Variants in SH3RF3 observed in about 807,000 individuals in gnomAD.
The protein encoded by SH3RF3 is E3 ubiquitin-protein ligase SH3RF3.
A neutral mutation model predicts 66.3 loss-of-function variants in SH3RF3; 29 were observed. The observed-to-expected ratio is 0.44, with a 90% CI of 0.33 to 0.60. The LOEUF (loss-of-function observed/expected upper bound fraction) is 0.60. Among genes scored for constraint, SH3RF3 ranks in the 20% least tolerant of loss-of-function variants. SH3RF3 has a pLI of 0.04. For synonymous variants in SH3RF3, 583 were observed against 532.0 expected, an observed-to-expected ratio of 1.10 and a Z score of -1.32; for missense variants, 1,194 against 1,190.9, an observed-to-expected ratio of 1.00 and a Z score of -0.04.
chr2:109,279,226 G>A (rs1208234724), intron 1 of SH3RF3, among the ~76,000 whole-genome samples: 3 of 152,190 alleles, frequency 2.0e-5, no homozygotes, highest in Non-Finnish European at 2.9e-5. Flanking sequence ...TTAGCTTGTC[G>A]AGAGCCCTGC....
chr2:109,398,210 C>T (rs780194821), intron 3 of SH3RF3, among the ~76,000 whole-genome samples: 13 of 152,200 alleles, frequency 8.5e-5, no homozygotes, highest in Non-Finnish European at 1.2e-4. Context: ...GCATGCAGGG[C>T]CAGCCCACGT....
In SH3RF3 at chr2:109,326,705, G is replaced by T. The variant is rs567994625; in HGVS notation, c.574-20969G>T. On this transcript the variant is annotated intron_variant, in intron 1 of 9. Transcript: ENST00000309415. ...TTTCTTGAAAGATCTATCTGTTCTT[G>T]AAGATAGATGGGTAGTTCTTACCTG... is the stretch of plus-strand genomic sequence containing the variant. Among the ~76,000 whole-genome samples the T allele has an allele frequency of 9.7e-4, 147 of 152,326 alleles. 1 individual carries two copies. Among genetic ancestry groups the T allele is most frequent in the Non-Finnish European group, 1.6e-3 (108 of 68,022 alleles).
intron 2 of SH3RF3, among the ~76,000 whole-genome samples, chr2:109,348,211 A>G (rs1682761305): frequency 6.6e-6 from 1 of 152,186 alleles, no homozygotes; most frequent in Non-Finnish European, 1.5e-5. Context: ...TTGAGATAAT[A>G]TAAGCCTCCA....
At chr2:109,334,366 A>AG (rs1682357815) in intron 1 of SH3RF3, among the ~76,000 whole-genome samples, 4 of 139,322 alleles carry the variant, frequency 2.9e-5, no homozygotes, top group Non-Finnish European at 6.1e-5. Context: ...TTTAAAAAAA[A>AG]AAAAAAAAAA....
chr2:109,500,477 A>G (rs1679360832), intron 9 of SH3RF3, among the ~76,000 whole-genome samples: 1 of 152,132 alleles, frequency 6.6e-6, no homozygotes, highest in Non-Finnish European at 1.5e-5. Context: ...TCCACACTAC[A>G]GCATATTGGT....
intron 1 of SH3RF3, among the ~76,000 whole-genome samples, chr2:109,153,883 C>T (rs370619620): frequency 5.3e-5 from 8 of 152,276 alleles, no homozygotes; most frequent in East Asian, 1.9e-4. Flanking sequence ...CATTAGCAGT[C>T]GGGACTTGCT....
chr2:109,406,878 A>AG (rs34919533), intron 4 of SH3RF3, among the ~76,000 whole-genome samples: 7,740 of 152,174 alleles, frequency 0.051, 372 homozygotes, highest in African/African-American at 0.12. Context: ...CGCCCTGTTG[A>AG]GGGGTGGGCA....
intron 7 of SH3RF3, among the ~76,000 whole-genome samples, chr2:109,438,914 G>A (rs754015008): frequency 2.5e-4 from 38 of 152,150 alleles, no homozygotes; most frequent in Admixed American, 1.0e-3. Context: ...CAATCAGCCC[G>A]GTGTTCTGTA....
intron 1 of SH3RF3, among the ~76,000 whole-genome samples, chr2:109,228,979 C>A (rs530479440): frequency 6.6e-6 from 1 of 152,278 alleles, no homozygotes; most frequent in Admixed American, 6.5e-5. Context: ...TTTCTGGTGA[C>A]CAGCCTTCAT....
intron 3 of SH3RF3, among the ~76,000 whole-genome samples, chr2:109,377,800 C>G (rs149684166): frequency 3.5e-3 from 539 of 152,284 alleles, no homozygotes; most frequent in Non-Finnish European, 6.8e-3. Flanking sequence ...TCCTCCTGCT[C>G]CTGTAGCACC....
At chr2:109,222,216 T>C (rs1280504681) in intron 1 of SH3RF3, among the ~76,000 whole-genome samples, 3 of 151,744 alleles carry the variant, frequency 2.0e-5, no homozygotes, top group Non-Finnish European at 4.4e-5. Flanking sequence ...GGTAGGGAGG[T>C]AAAGAAAGGT....
intron 1 of SH3RF3, among the ~76,000 whole-genome samples, chr2:109,175,849 T>A (rs2104964281): frequency 6.6e-6 from 1 of 152,344 alleles, no homozygotes; most frequent in South Asian, 2.1e-4. Flanking sequence ...TTTTTAAACA[T>A]GTCTTTTAGT....
At chr2:109,277,504 C>T (rs1457734722) in intron 1 of SH3RF3, among the ~76,000 whole-genome samples, 1 of 152,198 alleles carries the variant, frequency 6.6e-6, no homozygotes, top group Non-Finnish European at 1.5e-5. Context: ...GCTGCATCTC[C>T]GAGCAGTCCG....
At chr2:109,434,566 C>T (rs1437837156) in intron 6 of SH3RF3, among the ~76,000 whole-genome samples, 1 of 152,210 alleles carries the variant, frequency 6.6e-6, no homozygotes, top group African/African-American at 2.4e-5. Context: ...TGCCTTCCAC[C>T]CTCTTCCTGC....
chr2:109,395,051 G>A (rs1388547964), intron 3 of SH3RF3, among the ~76,000 whole-genome samples: 1 of 152,248 alleles, frequency 6.6e-6, no homozygotes, highest in Non-Finnish European at 1.5e-5. Context: ...TTTATGACGT[G>A]ACTAATTGGA....
chr2:109,355,828 T>C (rs540904337), intron 2 of SH3RF3, among the ~76,000 whole-genome samples: 1 of 152,340 alleles, frequency 6.6e-6, no homozygotes, highest in South Asian at 2.1e-4. Flanking sequence ...TATTTCTCCA[T>C]ATACTAATGA....
At chr2:109,317,837 G>C (rs1272762965) in intron 1 of SH3RF3, among the ~76,000 whole-genome samples, 1 of 152,112 alleles carries the variant, frequency 6.6e-6, no homozygotes, top group African/African-American at 2.4e-5. Flanking sequence ...CATCCGTCTT[G>C]GGTCAGGTTT....
intron 4 of SH3RF3, among the ~76,000 whole-genome samples, chr2:109,415,432 A>C (rs1422877222): frequency 6.6e-5 from 10 of 151,956 alleles, no homozygotes; most frequent in African/African-American, 2.4e-4. Context: ...GCCATGGTAG[A>C]CTCTGCACAG....
At chr2:109,203,971 G>A (rs985588348) in intron 1 of SH3RF3, among the ~76,000 whole-genome samples, 9 of 152,210 alleles carry the variant, frequency 5.9e-5, no homozygotes, top group Non-Finnish European at 1.2e-4. Context: ...GTGCTCCAGT[G>A]TGAAGCATTT....
Sources: allele counts gnomAD v4.1 joint callset (sites outside exome capture counted in the v4.1 genomes callset), GRCh38; gene constraint gnomAD v4.1.1; transcripts MANE v1.5; gene names NCBI Gene and HGNC (gene_info 2026-07-23, HGNC 2026-07-21).